GPM6A: variants seen among roughly 807,000 people sequenced by gnomAD.
The protein encoded by GPM6A is neuronal membrane glycoprotein M6-a.
GPM6A carries 7 observed loss-of-function variants against 32.1 expected under a neutral mutation model. That is an observed-to-expected ratio of 0.22 (90% CI 0.12 to 0.41). GPM6A has a LOEUF of 0.41. Ranked by LOEUF, GPM6A falls within the 10% of genes least tolerant of loss-of-function variation. The pLI is 1.00. For missense variants in GPM6A, 235 were observed against 347.2 expected, an observed-to-expected ratio of 0.68 and a Z score of 2.57; for synonymous variants, 130 against 123.4, an observed-to-expected ratio of 1.05 and a Z score of -0.35.
chr4:175,990,123 T>C (rs1741093898), intron 1 of GPM6A, among the ~76,000 whole-genome samples: 3 of 152,260 alleles, frequency 2.0e-5, no homozygotes, highest in Non-Finnish European at 4.4e-5. Context: ...TTGTTCTTGA[T>C]GACTCCTTCC....
intron 3 of GPM6A, chr4:175,654,422 C>A (rs1741965751): frequency 6.6e-6 from 1 of 152,224 alleles, no homozygotes; most frequent in Admixed American, 6.5e-5. Context: ...GCATGAAAAG[C>A]ATTTAGCATT....
chr4:175,856,734 C>T (rs913839328), intron 1 of GPM6A, among the ~76,000 whole-genome samples: 4 of 152,146 alleles, frequency 2.6e-5, no homozygotes, highest in African/African-American at 7.2e-5. Flanking sequence ...AGATAATCTT[C>T]GCCTGGAGTT....
chr4:175,950,442 T>C (rs1282252078), intron 1 of GPM6A, among the ~76,000 whole-genome samples: 2 of 152,224 alleles, frequency 1.3e-5, no homozygotes, highest in East Asian at 1.9e-4. Flanking sequence ...AAAATAAGAA[T>C]ATAATACTTG....
At chr4:175,820,241 A>G (rs1735231380) in intron 1 of GPM6A, among the ~76,000 whole-genome samples, 1 of 151,852 alleles carries the variant, frequency 6.6e-6, no homozygotes, top group South Asian at 2.1e-4. Flanking sequence ...CCAAAATAAT[A>G]AACACTTGTA....
chr4:175,934,047 T>C (rs1739144608), intron 1 of GPM6A, among the ~76,000 whole-genome samples: 1 of 152,216 alleles, frequency 6.6e-6, no homozygotes, highest in South Asian at 2.1e-4. Flanking sequence ...GTTACATCCA[T>C]TTATATTAAA....
intron 1 of GPM6A, among the ~76,000 whole-genome samples, chr4:175,832,284 G>A (rs917768025): frequency 6.6e-6 from 1 of 152,126 alleles, no homozygotes; most frequent in African/African-American, 2.4e-5. Context: ...TTTTTCAAAA[G>A]TGTTTGAGAT....
At chr4:175,747,438 TCAAA>T (rs1341915012) in intron 1 of GPM6A, among the ~76,000 whole-genome samples, 1 of 152,216 alleles carries the variant, frequency 6.6e-6, no homozygotes, top group East Asian at 1.9e-4. Flanking sequence ...TAAATATCTT[TCAAA>T]CATATTCCAA....
intron 1 of GPM6A, among the ~76,000 whole-genome samples, chr4:175,831,347 C>T (rs1735605133): frequency 6.6e-6 from 1 of 152,116 alleles, no homozygotes; most frequent in Admixed American, 6.6e-5. Flanking sequence ...GTAACATTGA[C>T]TTCTTCGGTA....
At chr4:175,660,415 T>C (rs759209251) in intron 3 of GPM6A, among the ~76,000 whole-genome samples, 1 of 151,832 alleles carries the variant, frequency 6.6e-6, no homozygotes, top group South Asian at 2.1e-4. Flanking sequence ...GACATAAAAG[T>C]TGTCTACAAC....
chr4:175,816,657 T>C (rs985086856), upstream of GPM6A, among the ~76,000 whole-genome samples: 1 of 152,172 alleles, frequency 6.6e-6, no homozygotes, highest in African/African-American at 2.4e-5. Flanking sequence ...GCCCAGTGCA[T>C]AGGACTAACA....
intron 1 of GPM6A, among the ~76,000 whole-genome samples, 162 bp from the exon 2 acceptor site, chr4:175,701,929 C>A (rs1245956476): frequency 6.6e-6 from 1 of 152,060 alleles, no homozygotes; most frequent in Non-Finnish European, 1.5e-5. Flanking sequence ...AGATCAAATT[C>A]CTTAATTATA....
At chr4:176,002,102 T>G (rs866499902) in intron 1 of GPM6A, among the ~76,000 whole-genome samples, 7 of 139,700 alleles carry the variant, frequency 5.0e-5, no homozygotes, top group Non-Finnish European at 7.8e-5. Context: ...CTCCCTCGCC[T>G]CCAGGTGCCA....
chr4:175,882,074 T>C (rs1410654292), intron 1 of GPM6A, among the ~76,000 whole-genome samples: 1 of 152,064 alleles, frequency 6.6e-6, no homozygotes, highest in African/African-American at 2.4e-5. Context: ...AGATTAATTA[T>C]TTGTTATGCA....
At chr4:175,933,060 TC>T (rs1739103324) in intron 1 of GPM6A, among the ~76,000 whole-genome samples, 2 of 151,962 alleles carry the variant, frequency 1.3e-5, no homozygotes, top group Non-Finnish European at 2.9e-5. Flanking sequence ...ACAAGAAATG[TC>T]TTTATATAAA....
At chr4:175,752,270 G>T (rs1456303873) in intron 1 of GPM6A, among the ~76,000 whole-genome samples, 3 of 152,100 alleles carry the variant, frequency 2.0e-5, no homozygotes, top group African/African-American at 7.2e-5. Context: ...TCAAATCCCT[G>T]TTCTTTGTGG....
At chr4:175,726,885 A>T (rs529423152) in intron 1 of GPM6A, among the ~76,000 whole-genome samples, 98 of 152,234 alleles carry the variant, frequency 6.4e-4, no homozygotes, top group Non-Finnish European at 1.2e-3. Context: ...AATTCCAGCT[A>T]TTCAGGAGGC....
At chr4:175,812,575 C>T, upstream of GPM6A, 1 of 1,033,516 alleles carries the variant, frequency 9.7e-7, no homozygotes, top group South Asian at 4.4e-5. Context: ...ATCCCAGGAG[C>T]AGAGACACTA....
In GPM6A at chr4:175,634,857, A is replaced by T; in HGVS notation, c.*48T>A. 1 of 1,523,146 alleles carries T rather than the reference A, an allele frequency of 6.6e-7. No homozygotes were observed. The highest frequency in any genetic ancestry group is 9.1e-7 in the Non-Finnish European group (1 of 1,103,510). 94.4% of individuals were successfully genotyped at this position (1,523,146 alleles called of 1,614,324 possible). On this transcript the variant is annotated 3_prime_UTR_variant, in exon 7 of 7. Transcript: ENST00000393658. ...AAGGTTGGATGGTTGGATGGCCCTT[A>T]GTTAAACACCAATGCATTCAAATGG...
intron 6 of GPM6A, 99 bp downstream of exon 6, chr4:175,640,030 T>A (rs1457848660): frequency 3.1e-6 from 3 of 963,020 alleles, no homozygotes; most frequent in Non-Finnish European, 5.1e-6. Flanking sequence ...AAATGTGTTT[T>A]ACATGAACTT....
Sources: allele counts gnomAD v4.1 joint callset (sites outside exome capture counted in the v4.1 genomes callset), GRCh38; gene constraint gnomAD v4.1.1; transcripts MANE v1.5; gene names NCBI Gene and HGNC (gene_info 2026-07-23, HGNC 2026-07-21).